Variants in DOCK3 observed in about 807,000 individuals in gnomAD.
The protein encoded by DOCK3 is dedicator of cytokinesis protein 3.
In DOCK3, 60 loss-of-function variants were observed where a neutral mutation model predicts 265.6. That is an observed-to-expected ratio of 0.23 (90% CI 0.18 to 0.28). The LOEUF is 0.28. DOCK3 is among the 10% of genes least tolerant of loss of function. The pLI is 1.00. For missense variants in DOCK3, 1,981 were observed against 2,594.3 expected, an observed-to-expected ratio of 0.76 and a Z score of 5.14; for synonymous variants, 881 against 938.0, an observed-to-expected ratio of 0.94 and a Z score of 1.11.
intron 27 of DOCK3, among the ~76,000 whole-genome samples, chr3:51,309,941 T>C (rs1334915244): frequency 6.6e-6 from 1 of 152,252 alleles, no homozygotes; most frequent in Non-Finnish European, 1.5e-5. Flanking sequence ...CCTTAGTCTG[T>C]CCCATGCTTT....
intron 5 of DOCK3, among the ~76,000 whole-genome samples, chr3:50,936,229 A>C (rs1439915928): frequency 6.6e-6 from 1 of 152,096 alleles, no homozygotes; most frequent in Non-Finnish European, 1.5e-5. Flanking sequence ...CAATTTGAAG[A>C]TAGCTCACTA....
At chr3:51,309,479 C>G (rs2082928080) in intron 27 of DOCK3, among the ~76,000 whole-genome samples, 1 of 152,322 alleles carries the variant, frequency 6.6e-6, no homozygotes. Flanking sequence ...AGGCACTCGG[C>G]AGGCTGAGGC....
chr3:50,818,223 C>T (rs1027251017), intron 2 of DOCK3, among the ~76,000 whole-genome samples: 21 of 152,322 alleles, frequency 1.4e-4, no homozygotes, highest in African/African-American at 4.8e-4. Context: ...GATTGTTTTT[C>T]TTCAACAGTT....
chr3:51,191,690 G>C (rs908405740), intron 12 of DOCK3, among the ~76,000 whole-genome samples: 3 of 151,952 alleles, frequency 2.0e-5, no homozygotes, highest in African/African-American at 7.2e-5. Context: ...CAGTTCTTGT[G>C]TTGCTTCTTG....
chr3:51,167,846 T>C (rs557907513), intron 12 of DOCK3, among the ~76,000 whole-genome samples: 39 of 152,332 alleles, frequency 2.6e-4, no homozygotes, highest in South Asian at 2.1e-3. Flanking sequence ...ATTGAATCTT[T>C]AGGCTTTTTA....
At chr3:50,678,941 C>G (rs886355099) in intron 1 of DOCK3, among the ~76,000 whole-genome samples, 2 of 152,094 alleles carry the variant, frequency 1.3e-5, no homozygotes, top group African/African-American at 4.8e-5. Context: ...TCCCGAGTAG[C>G]TGGGACTACA....
At chr3:51,161,240 C>G (rs1195759916) in intron 12 of DOCK3, among the ~76,000 whole-genome samples, 2 of 151,972 alleles carry the variant, frequency 1.3e-5, no homozygotes, top group East Asian at 1.9e-4. Context: ...GTCAGGAGAT[C>G]GAGACCATCT....
chr3:51,024,088 G>A (rs2079710375), intron 5 of DOCK3, among the ~76,000 whole-genome samples: 1 of 152,062 alleles, frequency 6.6e-6, no homozygotes, highest in Admixed American at 6.5e-5. Context: ...TTCAATGTTT[G>A]TAGTAAATTA....
At chr3:51,007,536 G>T (rs1359036931) in intron 5 of DOCK3, among the ~76,000 whole-genome samples, 1 of 152,162 alleles carries the variant, frequency 6.6e-6, no homozygotes, top group Middle Eastern at 3.2e-3. Flanking sequence ...TGTCAGATGG[G>T]TAGATTGCAA....
At chr3:50,914,896 A>G (rs2050039201) in intron 4 of DOCK3, among the ~76,000 whole-genome samples, 1 of 151,924 alleles carries the variant, frequency 6.6e-6, no homozygotes, top group Non-Finnish European at 1.5e-5. Context: ...GCCTACAAGC[A>G]TTTGCAGTGG....
At chr3:51,360,477 T>A (rs1156420788) in intron 46 of DOCK3, 34 bp from the exon 47 acceptor site, 2 of 1,592,890 alleles carry the variant, frequency 1.3e-6, no homozygotes, top group Non-Finnish European at 1.7e-6. Context: ...ATTTATTCTT[T>A]ACTCTCTATG....
At chr3:50,785,132 G>T (rs1306319171) in intron 2 of DOCK3, among the ~76,000 whole-genome samples, 7 of 152,204 alleles carry the variant, frequency 4.6e-5, no homozygotes, top group Admixed American at 3.9e-4. Context: ...ACTCCAGCCT[G>T]AGCGACAAGA....
chr3:51,249,409 G>A (rs1436444730), intron 22 of DOCK3, among the ~76,000 whole-genome samples: 34 of 130,574 alleles, frequency 2.6e-4, no homozygotes, highest in South Asian at 5.0e-4. Flanking sequence ...CAGCCGCCCC[G>A]TCCGGGAGGT....
At chr3:50,842,761 AT>A (rs888808375) in intron 3 of DOCK3, among the ~76,000 whole-genome samples, 2 of 152,164 alleles carry the variant, frequency 1.3e-5, no homozygotes, top group Admixed American at 6.5e-5. Context: ...TATATTTCTG[AT>A]TTTGAAATAC....
intron 1 of DOCK3, among the ~76,000 whole-genome samples, chr3:50,750,642 C>T (rs920710387): frequency 3.3e-5 from 5 of 152,088 alleles, no homozygotes; most frequent in African/African-American, 1.2e-4. Context: ...TTTGCTTTTG[C>T]ATTGCAGTGC....
intron 1 of DOCK3, among the ~76,000 whole-genome samples, chr3:50,684,667 C>T (rs1484954158): frequency 2.6e-5 from 4 of 152,194 alleles, no homozygotes; most frequent in African/African-American, 4.8e-5. Context: ...TTGAACTTAT[C>T]CCGACAATAC....
At chr3:50,776,407 G>A (rs973381197) in intron 1 of DOCK3, among the ~76,000 whole-genome samples, 2 of 151,368 alleles carry the variant, frequency 1.3e-5, no homozygotes, top group Admixed American at 6.6e-5. Flanking sequence ...GCCTATTCAT[G>A]TCCTTTTTCC....
At chr3:51,311,288 C>A (rs2083054341) in intron 28 of DOCK3, among the ~76,000 whole-genome samples, 1 of 152,190 alleles carries the variant, frequency 6.6e-6, no homozygotes, top group South Asian at 2.1e-4. Context: ...TGTTCTTCTG[C>A]ATCTAAGCAG....
intron 12 of DOCK3, among the ~76,000 whole-genome samples, chr3:51,173,738 CA>C (rs1243915593): frequency 6.6e-6 from 1 of 152,090 alleles, no homozygotes; most frequent in Non-Finnish European, 1.5e-5. Context: ...TTACTGCTTT[CA>C]AAATTATCTT....
Sources: allele counts gnomAD v4.1 joint callset (sites outside exome capture counted in the v4.1 genomes callset), GRCh38; gene constraint gnomAD v4.1.1; transcripts MANE v1.5; gene names NCBI Gene and HGNC (gene_info 2026-07-23, HGNC 2026-07-21).